PPHLN1: variants seen among roughly 807,000 people sequenced by gnomAD.
PPHLN1 encodes the protein periphilin-1.
A neutral mutation model predicts 51.3 loss-of-function variants in PPHLN1; 29 were observed. The observed-to-expected ratio is 0.57, with a 90% CI of 0.42 to 0.77. PPHLN1 has a LOEUF of 0.77. Among genes scored for constraint, PPHLN1 ranks in the 30% least tolerant of loss-of-function variants. The pLI is 0.00. For missense variants in PPHLN1, 436 were observed against 438.4 expected, an observed-to-expected ratio of 0.99 and a Z score of 0.05; for synonymous variants, 147 against 147.8, an observed-to-expected ratio of 0.99 and a Z score of 0.04.
In PPHLN1 at chr12:42,422,317, A is replaced by G. The variant is rs150464324; in HGVS notation, c.910-18998A>G. Among the ~76,000 whole-genome samples the G allele has an allele frequency of 6.5e-3, 984 of 152,356 alleles. 5 individuals carry two copies. The highest frequency in any genetic ancestry group is 8.8e-3 in the Non-Finnish European group (598 of 68,024). On this transcript the variant is annotated intron_variant, in intron 9 of 9. Transcript: ENST00000358314. ...TTGTGATAGGACACTGAAAATGTGT[A>G]TGAGGAGAAGAATGGTTTAATGCCT...
At chr12:42,341,034 GC>G (rs1286666473) in intron 2 of PPHLN1, among the ~76,000 whole-genome samples, 1 of 144,982 alleles carries the variant, frequency 6.9e-6, no homozygotes, top group Non-Finnish European at 1.5e-5. Flanking sequence ...AGGTTGGAGT[GC>G]AGTGGCATGA....
In PPHLN1 at chr12:42,441,993, A is replaced by C. The variant is rs1214998578; in HGVS notation, c.*484A>C. 1 of 962,328 alleles carries C rather than the reference A, an allele frequency of 1.0e-6. No individual in the cohort carries two copies. Among genetic ancestry groups the C allele is most frequent in the African/African-American group, 1.8e-5 (1 of 56,716 alleles). The allele number at this position is 962,328 out of a possible 1,614,324, so 59.6% of individuals were successfully genotyped here. ...CTTTGAGAGTAATTCTCATTCAATG[A>C]TAAAATAGAGCACTTAAATCTCTGA... On this transcript the variant is annotated 3_prime_UTR_variant, in exon 10 of 10. Transcript: ENST00000358314.
At chr12:42,344,939 G>C (rs1288575057) in intron 2 of PPHLN1, among the ~76,000 whole-genome samples, 5 of 151,820 alleles carry the variant, frequency 3.3e-5, no homozygotes, top group Non-Finnish European at 5.9e-5. Flanking sequence ...CGAATTCCTG[G>C]CCTCAAACTG....
intron 8 of PPHLN1, among the ~76,000 whole-genome samples, chr12:42,397,534 T>G (rs932019255): frequency 6.6e-6 from 1 of 152,130 alleles, no homozygotes; most frequent in African/African-American, 2.4e-5. Context: ...GCTCACCAGT[T>G]TACACATTGT....
intron 8 of PPHLN1, among the ~76,000 whole-genome samples, chr12:42,396,526 T>G (rs1266424512): frequency 1.4e-5 from 2 of 146,770 alleles, no homozygotes; most frequent in East Asian, 4.0e-4. Context: ...GATATTAGAA[T>G]GTCCTGGTAG....
At chr12:42,376,061 A>G (rs1206733328) in intron 5 of PPHLN1, among the ~76,000 whole-genome samples, 1 of 152,236 alleles carries the variant, frequency 6.6e-6, no homozygotes, top group African/African-American at 2.4e-5. Context: ...TGTCAAGGTG[A>G]GAAAAATTAA....
At chr12:42,397,810 T>C (rs528480718) in intron 8 of PPHLN1, among the ~76,000 whole-genome samples, 26 of 152,212 alleles carry the variant, frequency 1.7e-4, no homozygotes, top group South Asian at 4.2e-4. Context: ...GGTGTGATTT[T>C]GGCTCACTGC....
At chr12:42,392,197 C>CA (rs2077786775) in intron 7 of PPHLN1, among the ~76,000 whole-genome samples, 1 of 152,180 alleles carries the variant, frequency 6.6e-6, no homozygotes, top group Non-Finnish European at 1.5e-5. Context: ...GCCTGGGTGA[C>CA]AGAGTGAGAC....
chr12:42,348,534 A>G (rs185202875), intron 2 of PPHLN1, among the ~76,000 whole-genome samples: 18 of 152,300 alleles, frequency 1.2e-4, no homozygotes, highest in Admixed American at 1.0e-3. Flanking sequence ...TTTACCAAAT[A>G]CATTTTACAA....
chr12:42,432,047 G>A (rs2082082142), intron 9 of PPHLN1: 4 of 1,559,522 alleles, frequency 2.6e-6, no homozygotes, highest in Non-Finnish European at 1.8e-6. Flanking sequence ...CAGAACTGAT[G>A]GAGGATTTGC....
At chr12:42,347,178 AG>A (rs2072475648) in intron 2 of PPHLN1, 1 of 152,214 alleles carries the variant, frequency 6.6e-6, no homozygotes, top group Non-Finnish European at 1.5e-5. Flanking sequence ...ATGCTTGCCT[AG>A]GTACAAGGCA....
At chr12:42,359,088 G>A (rs1373464465) in intron 4 of PPHLN1, among the ~76,000 whole-genome samples, 1 of 151,992 alleles carries the variant, frequency 6.6e-6, no homozygotes, top group Non-Finnish European at 1.5e-5. Context: ...CTGATATATA[G>A]TAATTTACAC....
At chr12:42,398,483 A>G (rs2139292147) in intron 8 of PPHLN1, 1 of 160,256 alleles carries the variant, frequency 6.2e-6, no homozygotes, top group Admixed American at 6.2e-5. Flanking sequence ...AATGTGAAAT[A>G]ATATTTTGGA....
chr12:42,393,484 T>G, intron 7 of PPHLN1, 86 bp from the exon 8 acceptor site: 1 of 1,316,260 alleles, frequency 7.6e-7, no homozygotes, highest in South Asian at 1.7e-5. Flanking sequence ...TTATATGATT[T>G]TAAATGTAAG....
At chr12:42,394,933 TC>T (rs1178498323) in intron 8 of PPHLN1, among the ~76,000 whole-genome samples, 1 of 152,086 alleles carries the variant, frequency 6.6e-6, no homozygotes, top group Non-Finnish European at 1.5e-5. Context: ...CCAAAAACTT[TC>T]AAAAAGAATA....
chr12:42,446,146 G>T (rs781191906), downstream of PPHLN1: 1 of 1,593,440 alleles, frequency 6.3e-7, no homozygotes, highest in Non-Finnish European at 8.5e-7. Context: ...TTCGTCGGAC[G>T]ACAGGAGCCC....
intron 2 of PPHLN1, among the ~76,000 whole-genome samples, chr12:42,340,327 A>AG (rs2071285918): frequency 6.6e-6 from 1 of 151,114 alleles, no homozygotes; most frequent in Non-Finnish European, 1.5e-5. Flanking sequence ...AAAAAAAAAA[A>AG]AAGATTTAAA....
At chr12:42,389,042 TC>T (rs1268296621) in intron 7 of PPHLN1, among the ~76,000 whole-genome samples, 1 of 152,088 alleles carries the variant, frequency 6.6e-6, no homozygotes, top group Non-Finnish European at 1.5e-5. Flanking sequence ...GTCGAGACCA[TC>T]CTGGCTAACA....
intron 3 of PPHLN1, among the ~76,000 whole-genome samples, chr12:42,354,551 A>G (rs905485256): frequency 1.3e-5 from 2 of 152,160 alleles, no homozygotes; most frequent in African/African-American, 4.8e-5. Context: ...GTGGATTGCT[A>G]TATGGTTCTT....
Sources: allele counts gnomAD v4.1 joint callset (sites outside exome capture counted in the v4.1 genomes callset), GRCh38; gene constraint gnomAD v4.1.1; transcripts MANE v1.5; gene names NCBI Gene and HGNC (gene_info 2026-07-23, HGNC 2026-07-21).